Variants in MCTP1 observed in about 807,000 individuals in gnomAD.
MCTP1 encodes the protein multiple C2 and transmembrane domain-containing protein 1.
MCTP1 carries 69 observed loss-of-function variants against 120.6 expected under a neutral mutation model. That is an observed-to-expected ratio of 0.57 (90% CI 0.47 to 0.70). The LOEUF (loss-of-function observed/expected upper bound fraction) is 0.70. Among genes scored for constraint, MCTP1 ranks in the 30% least tolerant of loss-of-function variants. The pLI, the probability that MCTP1 is intolerant of heterozygous loss-of-function variation, is 0.00. For synonymous variants in MCTP1, 529 were observed against 493.1 expected, an observed-to-expected ratio of 1.07 and a Z score of -0.96; for missense variants, 1,203 against 1,248.8, an observed-to-expected ratio of 0.96 and a Z score of 0.55.
At chr5:94,805,892 T>A (rs1250214577) in intron 17 of MCTP1, among the ~76,000 whole-genome samples, 4 of 149,236 alleles carry the variant, frequency 2.7e-5, no homozygotes, top group Admixed American at 6.7e-5. Flanking sequence ...GGTCTTAGAT[T>A]GAATGTTGAT....
chr5:94,918,984 C>A (rs1410658600), intron 7 of MCTP1, among the ~76,000 whole-genome samples: 1 of 152,114 alleles, frequency 6.6e-6, no homozygotes, highest in African/African-American at 2.4e-5. Context: ...ATTTCCACCC[C>A]CAACCCATGT....
chr5:94,809,705 C>G (rs1385198246), intron 17 of MCTP1, among the ~76,000 whole-genome samples: 1 of 152,018 alleles, frequency 6.6e-6, no homozygotes, highest in African/African-American at 2.4e-5. Flanking sequence ...TTTAAATGAC[C>G]AATTAAGAGG....
intron 1 of MCTP1, among the ~76,000 whole-genome samples, chr5:95,056,166 T>C (rs920571708): frequency 1.2e-4 from 19 of 152,248 alleles, no homozygotes; most frequent in African/African-American, 4.3e-4. Flanking sequence ...AGTTCTTTGT[T>C]GGCTTGAATT....
chr5:95,271,383 G>C (rs1048877513), intron 1 of MCTP1, among the ~76,000 whole-genome samples: 3 of 151,976 alleles, frequency 2.0e-5, no homozygotes, highest in Non-Finnish European at 4.4e-5. Flanking sequence ...CTCTCATTTT[G>C]AGGTGATCTC....
rs762009465 is a variant in MCTP1, at chr5:94,799,143, T to C, written c.2437-11A>G. ...AACAAAGAGAAAGAGCTGGAGGAGATAGAAGAGAGAAGAAGGGATGAGTCA... is the reference window on the plus strand; with the variant it reads ...AACAAAGAGAAAGAGCTGGAGGAGACAGAAGAGAGAAGAAGGGATGAGTCA... On this transcript the variant is annotated splice_polypyrimidine_tract_variant and intron_variant, in intron 17 of 22. Coordinates refer to ENST00000515393, the MANE Select transcript of MCTP1 (RefSeq NM_024717.7). The C allele has an allele frequency of 6.9e-5, 111 of 1,609,188 alleles. No individual in the cohort carries two copies. In the East Asian group the frequency reaches 9.0e-4, roughly 13 times the overall value.
intron 1 of MCTP1, among the ~76,000 whole-genome samples, chr5:95,076,390 A>G (rs1753567607): frequency 6.6e-6 from 1 of 152,088 alleles, no homozygotes; most frequent in African/African-American, 2.4e-5. Flanking sequence ...GGTGGATTAA[A>G]CTTAGAAGTA....
intron 17 of MCTP1, among the ~76,000 whole-genome samples, chr5:94,858,412 G>A (rs1795110244): frequency 6.6e-6 from 1 of 151,592 alleles, no homozygotes; most frequent in African/African-American, 2.4e-5. Flanking sequence ...TTAAACTGCA[G>A]GAATAACACT....
chr5:95,025,963 G>A (rs556304561), intron 1 of MCTP1, among the ~76,000 whole-genome samples: 2 of 152,256 alleles, frequency 1.3e-5, no homozygotes, highest in African/African-American at 2.4e-5. Context: ...AAGGGTCCCA[G>A]TGACTTTAGG....
At chr5:95,157,293 C>G (rs1306683154) in intron 1 of MCTP1, among the ~76,000 whole-genome samples, 1 of 152,096 alleles carries the variant, frequency 6.6e-6, no homozygotes, top group Non-Finnish European at 1.5e-5. Context: ...AATAGCCAAT[C>G]TTTGATAGAA....
At chr5:94,997,733 A>T (rs72777368) in intron 2 of MCTP1, among the ~76,000 whole-genome samples, 4,891 of 152,278 alleles carry the variant, frequency 0.032, 110 homozygotes, top group Non-Finnish European at 0.051. Flanking sequence ...CACAGTTCAC[A>T]GTAGAGGTAA....
chr5:94,770,935 G>A lies in MCTP1; in HGVS notation c.2610+8175C>T, dbSNP rs573598564. On this transcript the variant is annotated intron_variant, in intron 19 of 22. Transcript: ENST00000515393. Reference sequence around the variant, plus strand: ...TCCCATTGTGTTACTGTTTTCTTTCGCCAAGTCAGTGTTTCCAGCACTTAT... The same window carrying A: ...TCCCATTGTGTTACTGTTTTCTTTCACCAAGTCAGTGTTTCCAGCACTTAT... Among the ~76,000 whole-genome samples the A allele has an allele frequency of 3.9e-5, 6 of 152,112 alleles. No homozygotes were observed. In the East Asian group the frequency reaches 7.7e-4, roughly 20 times the overall value.
chr5:94,968,857 C>A (rs192618745), intron 2 of MCTP1, among the ~76,000 whole-genome samples: 1 of 151,962 alleles, frequency 6.6e-6, no homozygotes, highest in Admixed American at 6.6e-5. Context: ...CTTTTTATGA[C>A]GATAAATGAA....
At chr5:94,746,116 G>A (rs1341421127) in intron 19 of MCTP1, among the ~76,000 whole-genome samples, 1 of 152,154 alleles carries the variant, frequency 6.6e-6, no homozygotes, top group Non-Finnish European at 1.5e-5. Flanking sequence ...ATATTAAAGA[G>A]TCATTCATAG....
At chr5:94,718,876 C>A (rs549282770) in intron 19 of MCTP1, among the ~76,000 whole-genome samples, 1 of 152,258 alleles carries the variant, frequency 6.6e-6, no homozygotes, top group South Asian at 2.1e-4. Context: ...TGTGCCACCA[C>A]ACCTGGCTAA....
At chr5:95,276,923 G>A (rs948122825) in intron 1 of MCTP1, among the ~76,000 whole-genome samples, 1 of 152,028 alleles carries the variant, frequency 6.6e-6, no homozygotes, top group Non-Finnish European at 1.5e-5. Flanking sequence ...CTGCACTCCA[G>A]CCTGGGCCAC....
intron 5 of MCTP1, among the ~76,000 whole-genome samples, chr5:94,933,849 T>C (rs1815437280): frequency 1.3e-5 from 2 of 152,012 alleles, no homozygotes; most frequent in East Asian, 3.9e-4. Flanking sequence ...ATAGGACCAG[T>C]ATTTGTCCTG....
intron 1 of MCTP1, among the ~76,000 whole-genome samples, chr5:95,087,707 A>C (rs2152335178): frequency 6.6e-6 from 1 of 152,328 alleles, no homozygotes. Context: ...GGCAGTAGCC[A>C]CTGAAACACT....
chr5:95,193,255 T>G (rs925665605), intron 1 of MCTP1, among the ~76,000 whole-genome samples: 1 of 152,172 alleles, frequency 6.6e-6, no homozygotes, highest in Non-Finnish European at 1.5e-5. Context: ...CTTTTTCTAC[T>G]GCATGAATCA....
intron 19 of MCTP1, among the ~76,000 whole-genome samples, chr5:94,767,662 A>G (rs1441628881): frequency 6.6e-6 from 1 of 152,162 alleles, no homozygotes; most frequent in Non-Finnish European, 1.5e-5. Flanking sequence ...TTCCATTTAC[A>G]CTAGCTACAA....
Sources: gnomAD v4.1 joint callset for allele counts (sites outside exome capture counted in the v4.1 genomes callset) on GRCh38, gnomAD v4.1.1 for gene constraint, MANE v1.5 for transcripts, NCBI Gene and HGNC (gene_info 2026-07-23, HGNC 2026-07-21) for gene names.